Variants in WDR86 observed in about 807,000 individuals in gnomAD.
WDR86 encodes the protein WD repeat-containing protein 86.
In WDR86, 30 loss-of-function variants were observed where a neutral mutation model predicts 36.5. That is an observed-to-expected ratio of 0.82 (90% CI 0.61 to 1.11). The LOEUF is 1.11. WDR86 is among the 50% of genes most tolerant of loss of function. WDR86 has a pLI of 0.00. For synonymous variants in WDR86, 255 were observed against 252.9 expected, an observed-to-expected ratio of 1.01 and a Z score of -0.08; for missense variants, 545 against 561.2, an observed-to-expected ratio of 0.97 and a Z score of 0.29.
intron 3 of WDR86, among the ~76,000 whole-genome samples, chr7:151,385,603 A>T (rs1356314761): frequency 6.6e-6 from 1 of 152,178 alleles, no homozygotes; most frequent in East Asian, 1.9e-4. Flanking sequence ...GGGCTTCCAG[A>T]GAAGGGCTTT....
rs1358257698 is a variant in WDR86 at position 151,381,981 on chromosome 7, A to G, written c.863T>C (p.Leu288Ser). The G allele has an allele frequency of 6.3e-7, 1 of 1,598,934 alleles. No homozygotes were observed. The highest frequency in any genetic ancestry group is 1.1e-5 in the South Asian group (1 of 88,918). ...GCAAGCGTCCCCGCTGCCCGTGAAC[A>G]CTGCGGACACACAGCGCGCGCTGGG... ...VSALKYHAGT[L>S]FTGSGDACAR... Residue 288 changes from leucine (L) to serine (S), a missense_variant and splice_region_variant, in exon 5 of 6, where the codon TTG becomes TCG. Coordinates refer to ENST00000334493, the MANE Select transcript of WDR86 (RefSeq NM_198285.3). This position sits in a 1 kb window ranked among gnomAD's most constrained non-coding sequence, Gnocchi z 4.8.
At chr7:151,396,315 G>C in intron 2 of WDR86, 119 bp from the exon 3 acceptor site, 5 of 1,189,428 alleles carry the variant, frequency 4.2e-6, no homozygotes, top group Non-Finnish European at 6.0e-6. Flanking sequence ...TGTCTGCCCA[G>C]CTTGCCACAC....
chr7:151,406,032 T>C lies in WDR86; in HGVS notation c.163+3395A>G, dbSNP rs1241339220. Among the ~76,000 whole-genome samples the C allele has an allele frequency of 6.6e-6, 1 of 152,170 alleles. No individual in the cohort carries two copies. The highest frequency in any genetic ancestry group is 1.5e-5 in the Non-Finnish European group (1 of 68,018). On this transcript the variant is annotated intron_variant, in intron 1 of 5. Coordinates refer to ENST00000334493, the MANE Select transcript of WDR86 (RefSeq NM_198285.3). The surrounding 1 kb of genome is among the most constrained non-coding windows in gnomAD (Gnocchi z 4.4). ...TAAGGAGATATTCAATGAATAAACCTGAAAAAGAGGAGGTCAGGGATAAGC... is the reference window on the plus strand; with the variant it reads ...TAAGGAGATATTCAATGAATAAACCCGAAAAAGAGGAGGTCAGGGATAAGC...
At chr7:151,402,050 A>AC (rs1305838666) in intron 1 of WDR86, among the ~76,000 whole-genome samples, 1 of 86,202 alleles carries the variant, frequency 1.2e-5, no homozygotes, top group Non-Finnish European at 2.2e-5. Context: ...TCTGCCTCAA[A>AC]AAAAAAAAAA....
Position 151,409,424 on chromosome 7 carries a change from T to C in WDR86, c.163+3A>G, listed in dbSNP as rs1473837250. On this transcript the variant is annotated splice_donor_region_variant and intron_variant, in intron 1 of 5. Transcript: ENST00000334493. This position sits in a 1 kb window ranked among gnomAD's most constrained non-coding sequence, Gnocchi z 5.2. ...AGGTCAGGGAGGGAGTGGGAGGGTC[T>C]ACCTTGCAGGAGCGCGCAGCACTGG... 16 of 1,554,426 alleles carry C rather than the reference T, an allele frequency of 1.0e-5. No individual in the cohort carries two copies. The highest frequency in any genetic ancestry group is 4.7e-5 in the South Asian group (4 of 84,690).
chr7:151,381,513 G>A lies in WDR86; in HGVS notation c.*69C>T, dbSNP rs974317570. On this transcript the variant is annotated 3_prime_UTR_variant, in exon 6 of 6. Transcript: ENST00000334493. This position sits in a 1 kb window ranked among gnomAD's most constrained non-coding sequence, Gnocchi z 4.8. ...GCCGGCCATCGGGCGCCACCACCGC[G>A]GGTAGCAGGGCGGGGCGCTCTGGGA... The A allele has an allele frequency of 8.3e-6, 12 of 1,443,434 alleles. No homozygotes were observed. In the African/African-American group the frequency reaches 1.3e-4, roughly 16 times the overall value. The allele number at this position is 1,443,434 out of a possible 1,614,324, so 89.4% of individuals were successfully genotyped here.
chr7:151,402,635 C>T (rs1258860763), intron 1 of WDR86, among the ~76,000 whole-genome samples: 1 of 152,180 alleles, frequency 6.6e-6, no homozygotes, highest in Non-Finnish European at 1.5e-5. Context: ...GGGGCACCTC[C>T]AGGCCAGAGT....
downstream of WDR86, chr7:151,376,296 C>T: frequency 2.1e-6 from 1 of 476,200 alleles, no homozygotes; most frequent in South Asian, 2.4e-5. Flanking sequence ...ACGGCTCTGT[C>T]CACATTTGTG....
rs1056069307 is a variant in WDR86 at position 151,408,183 on chromosome 7, T to A, written c.163+1244A>T. ...AATATCTGCCCTAACTATGTAATATTTTTTTCTTTTCTTTTCTTTTTTTTT... is the reference window on the plus strand; with the variant it reads ...AATATCTGCCCTAACTATGTAATATATTTTTCTTTTCTTTTCTTTTTTTTT... On this transcript the variant is annotated intron_variant, in intron 1 of 5. Coordinates refer to ENST00000334493, the MANE Select transcript of WDR86 (RefSeq NM_198285.3). 3.0e-4 allele frequency among the ~76,000 whole-genome samples: 42 copies of A among 140,058 alleles called. 1 individual carries two copies. The highest frequency in any genetic ancestry group is 7.4e-3 in the Middle Eastern group (2 of 272). 91.9% of individuals were successfully genotyped at this position (140,058 alleles called of 152,430 possible). A position where few individuals can be genotyped will look rare whatever the true frequency, so the allele number is the denominator to read the frequency against.
At position 151,401,071 on chromosome 7, in the gene WDR86, C is replaced by T. The variant is rs1187989572; in HGVS notation, c.164-830G>A. ...CCAGAACATGCTTCCCAGCAACCCC[C>T]TTGCCCACCTGCTCATGAATAATCA... On this transcript the variant is annotated intron_variant, in intron 1 of 5. Transcript: ENST00000334493. The surrounding 1 kb of genome is among the most constrained non-coding windows in gnomAD (Gnocchi z 4.3). 1.3e-5 allele frequency among the ~76,000 whole-genome samples: 2 copies of T among 152,202 alleles called. No individual in the cohort carries two copies. Among genetic ancestry groups the T allele is most frequent in the Admixed American group, 6.5e-5 (1 of 15,288 alleles).
downstream of WDR86, chr7:151,380,985 A>C (rs62490281): frequency 0.028 from 7,728 of 278,462 alleles, 147 homozygotes; most frequent in Middle Eastern, 0.047. Context: ...CAGCGCACCC[A>C]CAAGTCACCC....
intron 1 of WDR86, among the ~76,000 whole-genome samples, chr7:151,402,070 A>AAAAAAAAAAAAAATATATATATATATAT: frequency 7.9e-5 from 4 of 50,530 alleles, no homozygotes; most frequent in Admixed American, 4.6e-4. Context: ...AAAAAAAAAA[A>AAAAAAAAAAAAAATATATATATATATAT]ATATATATAT....
intron 3 of WDR86, among the ~76,000 whole-genome samples, chr7:151,392,491 C>A (rs1799506873): frequency 1.3e-5 from 2 of 152,184 alleles, no homozygotes; most frequent in East Asian, 3.9e-4. Flanking sequence ...AGCATGTAAC[C>A]CCTGAAGCCC....
At chr7:151,377,254 T>G (rs1319380928), downstream of WDR86, 1 of 1,390,712 alleles carries the variant, frequency 7.2e-7, no homozygotes, top group Non-Finnish European at 9.7e-7. Flanking sequence ...GCTAATTTTC[T>G]GCTTATAAAT....
downstream of WDR86, among the ~76,000 whole-genome samples, chr7:151,378,838 T>C (rs943148846): frequency 6.6e-6 from 1 of 152,208 alleles, no homozygotes; most frequent in African/African-American, 2.4e-5. Flanking sequence ...TCCCAGCTGT[T>C]TTTAGCCATC....
In WDR86 at chr7:151,409,779, C is replaced by A. The variant is rs1301160378; in HGVS notation, c.-190G>T. ...CTCCCCGCTGCCTCCAGCCTCTGGG[C>A]CCGCGAACCCAGGGCGCTGCGGGGG... On this transcript the variant is annotated 5_prime_UTR_variant, in exon 1 of 6. Transcript: ENST00000334493. The surrounding 1 kb of genome is among the most constrained non-coding windows in gnomAD (Gnocchi z 5.2). 1.6e-6 allele frequency: 2 copies of A among 1,271,244 alleles called. No homozygotes were observed. The highest frequency in any genetic ancestry group is 2.0e-6 in the Non-Finnish European group (2 of 1,012,536). 78.7% of individuals were successfully genotyped at this position (1,271,244 alleles called of 1,614,324 possible). A position where few individuals can be genotyped will look rare whatever the true frequency, so the allele number is the denominator to read the frequency against.
At chr7:151,396,961 A>G (rs549869647) in intron 2 of WDR86, among the ~76,000 whole-genome samples, 23 of 152,240 alleles carry the variant, frequency 1.5e-4, no homozygotes, top group African/African-American at 5.5e-4. Context: ...AGGCCCCCAC[A>G]TTGTATTCAC....
At chr7:151,380,473 G>C (rs1231488021), downstream of WDR86, among the ~76,000 whole-genome samples, 3 of 152,198 alleles carry the variant, frequency 2.0e-5, no homozygotes, top group Non-Finnish European at 4.4e-5. Context: ...TCTCTGCAGC[G>C]AGATGATGAG....
chr7:151,388,724 T>G lies in WDR86; in HGVS notation c.727-3501A>C, dbSNP rs898037784. Among the ~76,000 whole-genome samples the G allele has an allele frequency of 1.3e-5, 2 of 152,206 alleles. No homozygotes were observed. Among genetic ancestry groups the G allele is most frequent in the African/African-American group, 2.4e-5 (1 of 41,444 alleles). Reference sequence around the variant, plus strand: ...TGCTTTTGGCCAACTTGGAGCAGGCTGCAGGCTTCAGGGAAGCAGGGAGGA... The same window carrying G: ...TGCTTTTGGCCAACTTGGAGCAGGCGGCAGGCTTCAGGGAAGCAGGGAGGA... On this transcript the variant is annotated intron_variant, in intron 3 of 5. Transcript: ENST00000334493. The surrounding 1 kb of genome is among the most constrained non-coding windows in gnomAD (Gnocchi z 4.2).
Sources: allele counts gnomAD v4.1 joint callset (sites outside exome capture counted in the v4.1 genomes callset), GRCh38; gene constraint gnomAD v4.1.1; non-coding constraint Gnocchi (gnomAD v3.1); transcripts MANE v1.5; gene names NCBI Gene and HGNC (gene_info 2026-07-23, HGNC 2026-07-21).